AP2B1: variants seen among roughly 807,000 people sequenced by gnomAD.
The protein encoded by AP2B1 is AP-2 complex subunit beta.
A neutral mutation model predicts 102.0 loss-of-function variants in AP2B1; 23 were observed. The observed-to-expected ratio is 0.23, with a 90% CI of 0.16 to 0.32. The LOEUF (loss-of-function observed/expected upper bound fraction) is 0.32. AP2B1 is among the 10% of genes least tolerant of loss of function. AP2B1 has a pLI of 1.00. For missense variants in AP2B1, 541 were observed against 1,157.4 expected (o/e 0.47, Z 7.73); for synonymous variants, 381 against 421.2 (o/e 0.90, Z 1.17).
intron 1 of AP2B1, among the ~76,000 whole-genome samples, chr17:35,588,900 C>A (rs2072992631): frequency 6.6e-6 from 1 of 152,214 alleles, no homozygotes; most frequent in South Asian, 2.1e-4. Flanking sequence ...TTCATTCTTT[C>A]TTTCCTTAAA....
chr17:35,613,665 A>G (rs1598040536), intron 5 of AP2B1, among the ~76,000 whole-genome samples: 1 of 152,304 alleles, frequency 6.6e-6, no homozygotes, highest in East Asian at 1.9e-4. Context: ...TTTTGCATGA[A>G]AAGTGCCCTG....
chr17:35,605,633 T>C (rs1407543074), intron 3 of AP2B1, 72 bp from the exon 4 acceptor site: 1 of 1,060,206 alleles, frequency 9.4e-7, no homozygotes. Flanking sequence ...GTTAAGGCTA[T>C]TCATGTTCTG....
At chr17:35,659,791 TC>T in intron 14 of AP2B1, 2 of 985,434 alleles carry the variant, frequency 2.0e-6, no homozygotes, top group Non-Finnish European at 2.4e-6. Context: ...AGTGCAGTTT[TC>T]TTCAGCTTAT....
chr17:35,670,509 T>C (rs2075564673), intron 14 of AP2B1, among the ~76,000 whole-genome samples: 1 of 152,206 alleles, frequency 6.6e-6, no homozygotes, highest in African/African-American at 2.4e-5. Flanking sequence ...ATTCGAAATA[T>C]TGCCGCTTGG....
Position 35,590,932 on chromosome 17 carries a change from T to A in AP2B1, c.-23-3076T>A, listed in dbSNP as rs140922407. On this transcript the variant is annotated intron_variant, in intron 1 of 21. Transcript: ENST00000610402. ...ACTCATGCCTGTAATCCCAGCACTT[T>A]GGGAGGCCGAGGTGGATGGATAACT... Among the ~76,000 whole-genome samples the A allele has an allele frequency of 1.6e-4, 25 of 152,234 alleles. No individual in the cohort carries two copies. The East Asian group carries it at 1.9e-3, about 12-fold the overall frequency.
intron 1 of AP2B1, among the ~76,000 whole-genome samples, chr17:35,590,590 T>C (rs1443946573): frequency 6.6e-6 from 1 of 152,220 alleles, no homozygotes; most frequent in Non-Finnish European, 1.5e-5. Flanking sequence ...TTTGTTACTA[T>C]TGTTTACAAT....
At chr17:35,662,103 G>C (rs2075369715) in intron 14 of AP2B1, among the ~76,000 whole-genome samples, 1 of 152,146 alleles carries the variant, frequency 6.6e-6, no homozygotes, top group Non-Finnish European at 1.5e-5. Context: ...GGAGTAGGGT[G>C]GGCCATTGCT....
chr17:35,657,542 T>C, intron 13 of AP2B1, 57 bp from the exon 14 acceptor site: 16 of 1,440,442 alleles, frequency 1.1e-5, no homozygotes, highest in Non-Finnish European at 1.5e-5. Context: ...TGCGATGTTA[T>C]GTCCTAGGTG....
At chr17:35,594,154 C>T in intron 2 of AP2B1, 87 bp downstream of exon 2, 1 of 781,812 alleles carries the variant, frequency 1.3e-6, no homozygotes, top group Non-Finnish European at 2.1e-6. Context: ...CTGACCTCTT[C>T]CTTCAGACAT....
At chr17:35,709,360 A>G (rs782632382) in intron 19 of AP2B1, 52 bp downstream of exon 19, 36 of 1,481,598 alleles carry the variant, frequency 2.4e-5, no homozygotes, top group Non-Finnish European at 3.3e-5. Context: ...CTTCCTGTGC[A>G]TGTCAGGCAG....
At chr17:35,717,453 C>T in intron 21 of AP2B1, 104 bp downstream of exon 21, 1 of 1,297,196 alleles carries the variant, frequency 7.7e-7, no homozygotes, top group South Asian at 1.4e-5. Flanking sequence ...GTGCTTTAAA[C>T]CTGAGATATA....
intron 18 of AP2B1, among the ~76,000 whole-genome samples, chr17:35,683,491 T>A (rs1432834740): frequency 1.3e-5 from 2 of 152,200 alleles, no homozygotes; most frequent in African/African-American, 4.8e-5. Flanking sequence ...GCTGTTTGGA[T>A]TTAAATGCCC....
At chr17:35,615,428 T>C (rs934473423) in intron 5 of AP2B1, among the ~76,000 whole-genome samples, 2 of 152,174 alleles carry the variant, frequency 1.3e-5, no homozygotes, top group African/African-American at 4.8e-5. Flanking sequence ...ATTTAGGCAT[T>C]AGGAAGTTTA....
intron 21 of AP2B1, among the ~76,000 whole-genome samples, chr17:35,722,897 A>G (rs1404549400): frequency 1.3e-5 from 2 of 152,192 alleles, no homozygotes; most frequent in South Asian, 4.1e-4. Flanking sequence ...GAAATTCTCA[A>G]TATTCACCAT....
At chr17:35,601,109 T>C in intron 3 of AP2B1, 5 of 645,964 alleles carry the variant, frequency 7.7e-6, no homozygotes, top group South Asian at 6.9e-5. Flanking sequence ...TACTCTTTGC[T>C]TAGCAGGCAA....
At chr17:35,630,083 A>C (rs1028137379) in intron 9 of AP2B1, among the ~76,000 whole-genome samples, 1 of 152,228 alleles carries the variant, frequency 6.6e-6, no homozygotes, top group Non-Finnish European at 1.5e-5. Flanking sequence ...CCAGTACTTT[A>C]CCGGAACAAA....
chr17:35,717,474 A>T, intron 21 of AP2B1, 125 bp downstream of exon 21: 1 of 1,083,650 alleles, frequency 9.2e-7, no homozygotes, highest in Non-Finnish European at 1.3e-6. Flanking sequence ...CAAAATAAGT[A>T]GTCAATGAAG....
intron 5 of AP2B1, among the ~76,000 whole-genome samples, chr17:35,616,159 T>C (rs1189458830): frequency 6.2e-5 from 6 of 97,006 alleles, no homozygotes; most frequent in Non-Finnish European, 8.4e-5. Flanking sequence ...TTTTTTTTTT[T>C]TTTTTTTTTT....
intron 18 of AP2B1, among the ~76,000 whole-genome samples, 169 bp from the exon 19 acceptor site, chr17:35,709,055 G>A (rs1555586129): frequency 6.6e-6 from 1 of 152,152 alleles, no homozygotes; most frequent in East Asian, 1.9e-4. Context: ...AATGGAGTAA[G>A]TAAGGGTGTG....
Sources: gnomAD v4.1 joint callset for allele counts (sites outside exome capture counted in the v4.1 genomes callset) on GRCh38, gnomAD v4.1.1 for gene constraint, MANE v1.5 for transcripts, NCBI Gene and HGNC (gene_info 2026-07-23, HGNC 2026-07-21) for gene names.